The following KLHL32 variants were observed in gnomAD, a reference collection of about 807,000 sequenced individuals.
KLHL32 encodes the protein kelch like family member 32.
Under a neutral mutation model 64.8 loss-of-function variants are expected in KLHL32, and 35 were observed. The observed-to-expected ratio is 0.54, with a 90% confidence interval of 0.41 to 0.72. KLHL32 has a LOEUF of 0.72. KLHL32 is among the 30% of genes least tolerant of loss of function. The probability of loss-of-function intolerance (pLI) is 0.00; values close to 1 mark genes in which losing one functional copy is unlikely to be tolerated. For synonymous variants in KLHL32, 259 were observed against 281.0 expected (o/e 0.92, Z 0.78); for missense variants, 589 against 768.5 (o/e 0.77, Z 2.76).
At chr6:96,960,660 G>C (rs1773788498) in intron 1 of KLHL32, among the ~76,000 whole-genome samples, 1 of 152,190 alleles carries the variant, frequency 6.6e-6, no homozygotes. Flanking sequence ...GAGGGCCCCT[G>C]ACACAGCCCT....
chr6:97,094,018 C>A (rs1359357927), intron 6 of KLHL32, among the ~76,000 whole-genome samples: 1 of 151,996 alleles, frequency 6.6e-6, no homozygotes, highest in African/African-American at 2.4e-5. Flanking sequence ...TCATTTTATG[C>A]CCAATATATT....
chr6:97,045,746 G>A (rs1019684059), intron 4 of KLHL32, among the ~76,000 whole-genome samples: 12 of 152,290 alleles, frequency 7.9e-5, no homozygotes, highest in East Asian at 1.9e-4. Context: ...GCATGTGTGC[G>A]TGTAATTCCT....
rs750242567 is a variant in KLHL32 at position 97,055,796 on chromosome 6, TAAA to T, written c.313-8808_313-8806del. On this transcript the variant is annotated intron_variant, in intron 4 of 10. Transcript: ENST00000369261. ...CGAGGTAACAGACTGAGAACCTGTCTAAAAAAAAAAAAAAAAAAAAAAAAAACC... is the reference window on the plus strand; with the variant it reads ...CGAGGTAACAGACTGAGAACCTGTCTAAAAAAAAAAAAAAAAAAAAAAACC... Among the ~76,000 whole-genome samples the T allele has an allele frequency of 1.1e-3, 92 of 81,052 alleles. 6 individuals are homozygous for T. The highest frequency in any genetic ancestry group is 2.6e-3 in the African/African-American group (68 of 25,748). 53.2% of individuals were successfully genotyped at this position (81,052 alleles called of 152,430 possible).
chr6:97,111,462 C>G (rs142041286), intron 6 of KLHL32, among the ~76,000 whole-genome samples: 1 of 152,182 alleles, frequency 6.6e-6, no homozygotes, highest in Non-Finnish European at 1.5e-5. Context: ...TTCACTCACT[C>G]GAACCCGCTG....
the KLHL32 span, among the ~76,000 whole-genome samples, chr6:96,912,467 TC>T: frequency 6.6e-6 from 1 of 152,192 alleles, no homozygotes; most frequent in Admixed American, 6.5e-5. Context: ...CCTGTGTTGC[TC>T]CCTTTACTGG....
chr6:97,065,296 G>T (rs115802444), intron 5 of KLHL32, among the ~76,000 whole-genome samples: 1 of 152,210 alleles, frequency 6.6e-6, no homozygotes, highest in Non-Finnish European at 1.5e-5. Context: ...AGCACTGACT[G>T]TGTGTTCACA....
At chr6:96,948,863 C>T (rs1439881500) in intron 1 of KLHL32, among the ~76,000 whole-genome samples, 1 of 152,022 alleles carries the variant, frequency 6.6e-6, no homozygotes, top group Non-Finnish European at 1.5e-5. Flanking sequence ...ATACTCCACT[C>T]TCCTCCTCTT....
At chr6:97,043,548 A>G (rs935584388) in intron 4 of KLHL32, among the ~76,000 whole-genome samples, 2 of 152,168 alleles carry the variant, frequency 1.3e-5, no homozygotes, top group Admixed American at 6.5e-5. Context: ...TCTCTATAGC[A>G]TACTAATTTC....
intron 7 of KLHL32, among the ~76,000 whole-genome samples, chr6:97,122,911 C>T (rs1382521197): frequency 6.6e-6 from 1 of 152,198 alleles, no homozygotes; most frequent in African/African-American, 2.4e-5. Context: ...CTGCAGGTCT[C>T]CAAGACAGTT....
chr6:96,935,060 A>C (rs1251407257), intron 1 of KLHL32, among the ~76,000 whole-genome samples: 1 of 152,242 alleles, frequency 6.6e-6, no homozygotes, highest in Non-Finnish European at 1.5e-5. Context: ...AAACCTTGCC[A>C]TTAGACAACT....
intron 3 of KLHL32, among the ~76,000 whole-genome samples, chr6:97,011,188 C>G (rs1780362436): frequency 6.6e-6 from 1 of 152,196 alleles, no homozygotes; most frequent in Non-Finnish European, 1.5e-5. Flanking sequence ...TTAAATTCTA[C>G]TAGGTTAGCA....
In KLHL32 at chr6:97,113,880, A is replaced by T. The variant is rs756914078; in HGVS notation, c.725A>T (p.His242Leu). 2 of 1,614,118 alleles carry T rather than the reference A, an allele frequency of 1.2e-6. No homozygotes were observed. The highest frequency in any genetic ancestry group is 1.7e-6 in the Non-Finnish European group (2 of 1,180,012). Residue 242 changes from histidine to leucine, a missense_variant, in exon 7 of 11, where the codon CAT becomes CTT. Physicochemically the swap from His to Leu is moderately conservative, Grantham distance 99 (BLOSUM62 -3). Around this residue, in one of 3 missense-constraint regions of KLHL32, gnomAD observed 226 missense variants for 353.2 expected, o/e 0.64. Transcript: ENST00000369261. Reference sequence around the variant, plus strand: ...GGCCTAATGGATGTGGATACTCTCCATACAGTTGCCCTGTCCCACCCCCTT... The same window carrying T: ...GGCCTAATGGATGTGGATACTCTCCTTACAGTTGCCCTGTCCCACCCCCTT... Reference protein sequence around the residue: ...RFGLMDVDTLHTVALSHPLVQ... With the variant: ...RFGLMDVDTLLTVALSHPLVQ...
intron 1 of KLHL32, among the ~76,000 whole-genome samples, chr6:96,961,264 C>T (rs1214887130): frequency 6.6e-6 from 1 of 152,110 alleles, no homozygotes; most frequent in Non-Finnish European, 1.5e-5. Flanking sequence ...CATGACTCCC[C>T]AGACCCCTTA....
At chr6:96,907,404 CAT>C in the KLHL32 span, among the ~76,000 whole-genome samples, 2 of 152,164 alleles carry the variant, frequency 1.3e-5, no homozygotes, top group Non-Finnish European at 2.9e-5. Context: ...TCTTTTAAAA[CAT>C]AACCACAAAA....
chr6:96,997,376 T>C (rs1778521692), intron 3 of KLHL32, among the ~76,000 whole-genome samples: 1 of 152,158 alleles, frequency 6.6e-6, no homozygotes, highest in African/African-American at 2.4e-5. Flanking sequence ...CTCCAGAATT[T>C]ATCCCCTAAA....
rs750102704 is a variant in KLHL32, at chr6:97,114,112, C to T, written c.957C>T (p.Leu319=). 1.9e-6 allele frequency: 3 copies of T among 1,614,204 alleles called. No homozygotes were observed. In the South Asian group the frequency reaches 3.3e-5, roughly 18 times the overall value. The change falls in exon 7 of 11, where the codon CTC becomes CTT. Residue 319 remains leucine (L), a synonymous_variant. Transcript: ENST00000369261. The part of the protein sequence containing the change: ...YFNPVDQENA[L]IAAIANWSEL... ...ATCCTGTTGATCAGGAGAATGCTCT[C>T]ATAGCTGCCATTGCCAACTGGAGTG...
At chr6:97,051,882 C>T (rs1052421576) in intron 4 of KLHL32, among the ~76,000 whole-genome samples, 1 of 152,110 alleles carries the variant, frequency 6.6e-6, no homozygotes. Flanking sequence ...CCAGCCTTAT[C>T]CTGTTTTCTG....
At chr6:96,982,940 G>A (rs1271222835) in intron 3 of KLHL32, among the ~76,000 whole-genome samples, 6 of 152,252 alleles carry the variant, frequency 3.9e-5, no homozygotes, top group African/African-American at 1.4e-4. Flanking sequence ...GGTGAGAGAG[G>A]GCATCCCTGT....
intron 1 of KLHL32, among the ~76,000 whole-genome samples, chr6:96,938,896 G>A (rs570630038): frequency 1.1e-4 from 16 of 152,278 alleles, no homozygotes; most frequent in African/African-American, 3.9e-4. Flanking sequence ...GTTGTTGACT[G>A]TTATGATATT....
Sources: gnomAD v4.1 joint callset for allele counts (sites outside exome capture counted in the v4.1 genomes callset) on GRCh38, gnomAD v4.1.1 for gene constraint, gnomAD v4.1.1 regional missense constraint, MANE v1.5 for transcripts, NCBI Gene and HGNC (gene_info 2026-07-23, HGNC 2026-07-21) for gene names.